DYNC2H1: variants seen among roughly 807,000 people sequenced by gnomAD.
The protein encoded by DYNC2H1 is dynein cytoplasmic 2 heavy chain 1, also known as cytoplasmic dynein 2 heavy chain 1.
Under a neutral mutation model 570.0 loss-of-function variants are expected in DYNC2H1, and 410 were observed. The ratio of observed to expected loss-of-function variants is 0.72; its 90% CI spans 0.66 to 0.78. The LOEUF is 0.78. DYNC2H1 is among the 30% of genes least tolerant of loss of function. The probability of loss-of-function intolerance (pLI) is 0.00; values close to 1 mark genes in which losing one functional copy is unlikely to be tolerated. For missense variants in DYNC2H1, 4,865 were observed against 5,046.4 expected (o/e 0.96, Z 1.09); for synonymous variants, 1,688 against 1,677.6 (o/e 1.01, Z -0.15).
intron 18 of DYNC2H1, among the ~76,000 whole-genome samples, chr11:103,144,911 T>TG (rs1478736210): frequency 6.6e-6 from 1 of 151,866 alleles, no homozygotes; most frequent in Non-Finnish European, 1.5e-5. Context: ...GACAGAGTCT[T>TG]GCTGTGTCAC....
intron 85 of DYNC2H1, among the ~76,000 whole-genome samples, chr11:103,449,114 T>G (rs1944516567): frequency 6.6e-6 from 1 of 152,156 alleles, no homozygotes; most frequent in African/African-American, 2.4e-5. Context: ...GAAGAGAGTT[T>G]CAGGCAGAGG....
chr11:103,286,369 G>T lies in DYNC2H1; in HGVS notation c.11005G>T (p.Val3669Phe). The change falls in exon 74 of 89, where the codon GTT becomes TTT. Residue 3669 changes from valine (V) to phenylalanine (F), a missense_variant. By Grantham distance (50) the Val-to-Phe change is conservative. Transcript: ENST00000375735. Reference protein sequence around the residue: ...QEFPSILAKKVSLFQQILVVQ... With the variant: ...QEFPSILAKKFSLFQQILVVQ... Reference sequence around the variant, plus strand: ...GTTTCCATCTATCCTTGCAAAGAAAGTTTCCTTATTTCAGCAGGTAAAATT... The same window carrying T: ...GTTTCCATCTATCCTTGCAAAGAAATTTTCCTTATTTCAGCAGGTAAAATT... 6.2e-7 allele frequency: 1 copy of T among 1,611,656 alleles called. No individual in the cohort carries two copies. The highest frequency in any genetic ancestry group is 1.1e-5 in the South Asian group (1 of 90,074).
At chr11:103,378,625 G>A (rs1424866519) in intron 83 of DYNC2H1, among the ~76,000 whole-genome samples, 1 of 152,172 alleles carries the variant, frequency 6.6e-6, no homozygotes, top group Admixed American at 6.5e-5. Flanking sequence ...AATCAGTGGT[G>A]TCTGGCTCAA....
At chr11:103,168,669 A>G in intron 31 of DYNC2H1, 86 bp from the exon 32 acceptor site, 1 of 1,339,884 alleles carries the variant, frequency 7.5e-7, no homozygotes, top group Non-Finnish European at 1.0e-6. Context: ...AAATTCATGG[A>G]GAAATCACCT....
At chr11:103,336,865 C>A (rs558462510) in intron 82 of DYNC2H1, among the ~76,000 whole-genome samples, 11 of 152,138 alleles carry the variant, frequency 7.2e-5, no homozygotes, top group Non-Finnish European at 1.5e-4. Flanking sequence ...AGTGCAGATA[C>A]CTTTCCAATA....
Position 103,154,613 on chromosome 11 carries a change from T to C in DYNC2H1, c.3458+7T>C. On this transcript the variant is annotated splice_region_variant and intron_variant, in intron 23 of 88. Coordinates refer to ENST00000375735, the MANE Select transcript of DYNC2H1 (RefSeq NM_001377.3). ...AAGACTGGATCACTTTTCGGTTTGA[T>C]TCAAAAACAATATTTAGACTAATAA... 1 of 1,587,354 alleles carries C rather than the reference T, an allele frequency of 6.3e-7. No homozygotes were observed. The highest frequency in any genetic ancestry group is 8.6e-7 in the Non-Finnish European group (1 of 1,169,286).
At chr11:103,404,036 T>G (rs770850704) in intron 84 of DYNC2H1, 4 of 151,872 alleles carry the variant, frequency 2.6e-5, no homozygotes, top group Non-Finnish European at 4.4e-5. Context: ...TTGTGAGTAT[T>G]AGGGAAATAA....
At position 103,181,897 on chromosome 11, in the gene DYNC2H1, C is replaced by A; in HGVS notation, c.6477+11C>A. 1 of 1,595,810 alleles carries A rather than the reference C, an allele frequency of 6.3e-7. No individual in the cohort carries two copies. The highest frequency in any genetic ancestry group is 1.1e-5 in the South Asian group (1 of 87,780). On this transcript the variant is annotated intron_variant, in intron 40 of 88. Coordinates refer to ENST00000375735, the MANE Select transcript of DYNC2H1 (RefSeq NM_001377.3). The surrounding 1 kb of genome is among the most constrained non-coding windows in gnomAD (Gnocchi z 5.0). ...TGGGTTCTAAAGCAGGTAAATTAAC[C>A]ATAATATTTCATAATTAATCGAGGT...
intron 84 of DYNC2H1, among the ~76,000 whole-genome samples, chr11:103,419,477 C>T (rs1479889225): frequency 6.6e-6 from 1 of 151,904 alleles, no homozygotes; most frequent in Non-Finnish European, 1.5e-5. Flanking sequence ...CTGGTGATGC[C>T]TCCAGATACA....
Position 103,223,019 on chromosome 11 carries a change from A to G in DYNC2H1, c.9286A>G (p.Asn3096Asp). The G allele has an allele frequency of 6.2e-7, 1 of 1,613,504 alleles. No individual in the cohort carries two copies. Among genetic ancestry groups the G allele is most frequent in the Non-Finnish European group, 8.5e-7 (1 of 1,179,604 alleles). Residue 3096 changes from asparagine to aspartate, a missense_variant, in exon 59 of 89, where the codon AAT becomes GAT. This residue lies in a region of DYNC2H1 where 2,401 missense variants were observed against 2,454.6 expected (regional missense o/e 0.98). Transcript: ENST00000375735. ...ACCTTTGGCTGCCTGGGTGAAAGCC[A>G]ATATTCAGTATTCCCATGTCTTGGA... Reference protein sequence around the residue: ...AAPLAAWVKANIQYSHVLERI... With the variant: ...AAPLAAWVKADIQYSHVLERI...
intron 83 of DYNC2H1, among the ~76,000 whole-genome samples, chr11:103,359,297 C>G (rs1940516999): frequency 6.6e-6 from 1 of 152,198 alleles, no homozygotes; most frequent in South Asian, 2.1e-4. Flanking sequence ...GCTAAGTGTG[C>G]AGTCTTCTAC....
At position 103,385,169 on chromosome 11, in the gene DYNC2H1, A is replaced by T. The variant is rs184599608; in HGVS notation, c.12157-14494A>T. ...TTTTTCTCTTTAATTCATTTTTTTAAAAAATTGGGTAAGATTTAATGGGCT... is the reference window on the plus strand; with the variant it reads ...TTTTTCTCTTTAATTCATTTTTTTATAAAATTGGGTAAGATTTAATGGGCT... On this transcript the variant is annotated intron_variant, in intron 83 of 88. Coordinates refer to ENST00000375735, the MANE Select transcript of DYNC2H1 (RefSeq NM_001377.3). Among the ~76,000 whole-genome samples the T allele has an allele frequency of 8.0e-3, 1,205 of 151,222 alleles. 8 individuals are homozygous for T. The highest frequency in any genetic ancestry group is 0.028 in the South Asian group (132 of 4,798).
rs374875932 is a variant in DYNC2H1 at position 103,158,222 on chromosome 11, C to T, written c.4128-455C>T. The stretch of plus-strand genomic sequence containing the variant: ...CAGCACTTTGGGAGGCCGAGGCGGG[C>T]GGATCACGAGGTCAGGAGATCGAGA... On this transcript the variant is annotated intron_variant, in intron 26 of 88. Coordinates refer to ENST00000375735, the MANE Select transcript of DYNC2H1 (RefSeq NM_001377.3). Among the ~76,000 whole-genome samples, 1,111 of 152,158 alleles carry T rather than the reference C, an allele frequency of 7.3e-3. 5 individuals carry two copies. The highest frequency in any genetic ancestry group is 0.032 in the South Asian group (155 of 4,826).
At chr11:103,320,286 C>T (rs1938102698) in intron 80 of DYNC2H1, among the ~76,000 whole-genome samples, 1 of 152,084 alleles carries the variant, frequency 6.6e-6, no homozygotes, top group African/African-American at 2.4e-5. Flanking sequence ...CCTGTAATCC[C>T]AGCTACTCAG....
In DYNC2H1 at chr11:103,199,660, A is replaced by T. The variant is rs892606656; in HGVS notation, c.8088+184A>T. ...TTAGATTATTTTTTCCATGATTATTAGAAAATTACATTTTTATCTATAGAC... is the reference window on the plus strand; with the variant it reads ...TTAGATTATTTTTTCCATGATTATTTGAAAATTACATTTTTATCTATAGAC... On this transcript the variant is annotated intron_variant, in intron 49 of 88. Transcript: ENST00000375735. This position sits in a 1 kb window ranked among gnomAD's most constrained non-coding sequence, Gnocchi z 4.6. Among the ~76,000 whole-genome samples the T allele has an allele frequency of 2.0e-5, 3 of 152,204 alleles. No individual in the cohort carries two copies. Among genetic ancestry groups the T allele is most frequent in the African/African-American group, 7.2e-5 (3 of 41,466 alleles).
In DYNC2H1 at chr11:103,325,520, G is replaced by C. The variant is rs556973914; in HGVS notation, c.12039+1530G>C. The stretch of plus-strand genomic sequence containing the variant: ...CCTTGTCAAAGATCGTCAGATTGTT[G>C]TAGGTGTGTAGCTTTATTTCTAGGC... On this transcript the variant is annotated intron_variant, in intron 82 of 88. Transcript: ENST00000375735. The surrounding 1 kb of genome is among the most constrained non-coding windows in gnomAD (Gnocchi z 4.8). Among the ~76,000 whole-genome samples the C allele has an allele frequency of 1.4e-3, 214 of 152,290 alleles. 1 individual carries two copies. The highest frequency in any genetic ancestry group is 2.7e-3 in the Non-Finnish European group (183 of 68,006).
Position 103,138,039 on chromosome 11 carries a change from G to A in DYNC2H1, c.2574+2091G>A, listed in dbSNP as rs543188413. Reference sequence around the variant, plus strand: ...TTTGGCTCTCTGTTTGTCTGTTATTGGTGTATAAGAATGCTTGTGATTTTT... The same window carrying A: ...TTTGGCTCTCTGTTTGTCTGTTATTAGTGTATAAGAATGCTTGTGATTTTT... On this transcript the variant is annotated intron_variant, in intron 17 of 88. Coordinates refer to ENST00000375735, the MANE Select transcript of DYNC2H1 (RefSeq NM_001377.3). 1.5e-3 allele frequency among the ~76,000 whole-genome samples: 231 copies of A among 150,382 alleles called. 1 individual carries two copies. Among genetic ancestry groups the A allele is most frequent in the Non-Finnish European group, 2.8e-3 (191 of 67,354 alleles).
chr11:103,303,266 T>A lies in DYNC2H1; in HGVS notation c.11256+13T>A. 1 of 1,605,988 alleles carries A rather than the reference T, an allele frequency of 6.2e-7. No homozygotes were observed. The highest frequency in any genetic ancestry group is 2.2e-5 in the East Asian group (1 of 44,694). The stretch of plus-strand genomic sequence containing the variant: ...GTGTTATCACCAGGTAAGTACATAT[T>A]GTCCCGCTGTTTTTGTTTTTGCTAT... On this transcript the variant is annotated intron_variant, in intron 76 of 88. Coordinates refer to ENST00000375735, the MANE Select transcript of DYNC2H1 (RefSeq NM_001377.3).
Position 103,125,281 on chromosome 11 carries a change from A to G in DYNC2H1, c.1843A>G (p.Ile615Val), listed in dbSNP as rs1565319952. The change falls in exon 12 of 89, where the codon ATT becomes GTT. Residue 615 changes from isoleucine (I) to valine (V), a missense_variant. Ile to Val is a conservative substitution (Grantham distance 29). Transcript: ENST00000375735. Reference sequence around the variant, plus strand: ...TGCACAGAAATTCTGCAAGCAAGCAATTATTCTTAAACAAGTATGAAATTA... The same window carrying G: ...TGCACAGAAATTCTGCAAGCAAGCAGTTATTCTTAAACAAGTATGAAATTA... ...NIAQKFCKQA[I>V]ILKQVAHFYN... 1.9e-6 allele frequency: 3 copies of G among 1,604,160 alleles called. No homozygotes were observed. The South Asian group carries it at 3.4e-5, about 18-fold the overall frequency.
Sources: allele counts gnomAD v4.1 joint callset (sites outside exome capture counted in the v4.1 genomes callset), GRCh38; gene constraint gnomAD v4.1.1; regional missense constraint gnomAD v4.1.1; non-coding constraint Gnocchi (gnomAD v3.1); transcripts MANE v1.5; gene names NCBI Gene and HGNC (gene_info 2026-07-23, HGNC 2026-07-21).